The following SI variants were observed in gnomAD, a reference collection of about 807,000 sequenced individuals.
SI encodes sucrase-isomaltase, also known as sucrase-isomaltase, intestinal.
In SI, 235 loss-of-function variants were observed where a neutral mutation model predicts 253.3. The observed-to-expected ratio is 0.93, with a 90% CI of 0.83 to 1.03. The LOEUF is 1.03. Among genes scored for constraint, SI ranks in the 50% least tolerant of loss-of-function variants. The pLI is 0.00. For synonymous variants in SI, 819 were observed against 712.0 expected, an observed-to-expected ratio of 1.15 and a Z score of -2.39; for missense variants, 2,442 against 2,211.1, an observed-to-expected ratio of 1.10 and a Z score of -2.09.
At chr3:165,069,627 A>T (rs1313069012) in intron 3 of SI, among the ~76,000 whole-genome samples, 1 of 152,078 alleles carries the variant, frequency 6.6e-6, no homozygotes, top group Admixed American at 6.6e-5. Flanking sequence ...AAAATGTGTA[A>T]GGGATTTAAT....
At chr3:164,981,145 G>A (rs1011085171) in intron 47 of SI, among the ~76,000 whole-genome samples, 12 of 152,004 alleles carry the variant, frequency 7.9e-5, no homozygotes, top group South Asian at 6.2e-4. Flanking sequence ...TTATTTTACC[G>A]AGGAAGGACA....
chr3:165,048,578 TATATATAG>T (rs1440928008), intron 15 of SI, among the ~76,000 whole-genome samples: 2 of 109,360 alleles, frequency 1.8e-5, no homozygotes, highest in African/African-American at 3.2e-5. Flanking sequence ...TATATATATA[TATATATAG>T]AGAGAGAGAG....
chr3:164,992,108 G>T, intron 43 of SI, 69 bp downstream of exon 43: 5 of 1,293,884 alleles, frequency 3.9e-6, no homozygotes, highest in South Asian at 2.4e-5. Context: ...TACCGTTAAT[G>T]AAAAGGCTAG....
At chr3:165,006,149 G>T (rs1033351080) in intron 37 of SI, among the ~76,000 whole-genome samples, 2 of 152,046 alleles carry the variant, frequency 1.3e-5, no homozygotes, top group African/African-American at 2.4e-5. Flanking sequence ...TCGCTCTGTT[G>T]CCAGGCTGGA....
At chr3:165,084,768 C>T in the SI span, among the ~76,000 whole-genome samples, 1 of 151,958 alleles carries the variant, frequency 6.6e-6, no homozygotes, top group Non-Finnish European at 1.5e-5. Flanking sequence ...ATATTGGAAA[C>T]AGCTATTCTA....
intron 13 of SI, among the ~76,000 whole-genome samples, chr3:165,050,900 TA>T (rs1277283203): frequency 6.6e-6 from 1 of 152,060 alleles, no homozygotes; most frequent in East Asian, 1.9e-4. Flanking sequence ...CCTTTAACCT[TA>T]ACACTCCTAT....
chr3:165,005,978 G>T (rs1333240275), intron 37 of SI, among the ~76,000 whole-genome samples: 1 of 151,966 alleles, frequency 6.6e-6, no homozygotes, highest in Non-Finnish European at 1.5e-5. Context: ...TTCAGTGAAT[G>T]GTCTGTATTC....
rs375273143 is a variant in SI, at chr3:165,063,403, T to C, written c.907+39A>G. 294 of 942,272 alleles carry C rather than the reference T, an allele frequency of 3.1e-4. No individual in the cohort carries two copies. In the African/African-American group the frequency reaches 3.9e-3, roughly 12 times the overall value. 58.4% of individuals were successfully genotyped at this position (942,272 alleles called of 1,614,324 possible). On this transcript the variant is annotated intron_variant, in intron 8 of 47. Transcript: ENST00000264382. ...AAGAGAGCAGTTAAAACATTTCAAG[T>C]GAAATCTATAAATATATTATCAAAT...
chr3:165,022,533 T>TCACA lies in SI; in HGVS notation c.3099+1036_3099+1037insTGTG, dbSNP rs1491563006. ...ACACATCTTCTATGCTTTTGTGCCA[T>TCACA]CTCACACACACACACACACACACAC... is the stretch of plus-strand genomic sequence containing the variant. On this transcript the variant is annotated intron_variant, in intron 26 of 47. Coordinates refer to ENST00000264382, the MANE Select transcript of SI (RefSeq NM_001041.4). Among the ~76,000 whole-genome samples, 172 of 83,444 alleles carry TCACA rather than the reference T, an allele frequency of 2.1e-3. 1 individual carries two copies. Among genetic ancestry groups the TCACA allele is most frequent in the African/African-American group, 6.2e-3 (149 of 24,028 alleles). The allele number at this position is 83,444 out of a possible 152,430, so 54.7% of individuals were successfully genotyped here.
intron 28 of SI, 86 bp from the exon 29 acceptor site, chr3:165,018,152 A>G: frequency 2.5e-6 from 2 of 811,368 alleles, no homozygotes; most frequent in South Asian, 1.4e-5. Flanking sequence ...TTATTATACA[A>G]TCGAGACTTG....
chr3:165,045,685 T>C (rs539004934), intron 16 of SI, among the ~76,000 whole-genome samples: 2 of 152,076 alleles, frequency 1.3e-5, no homozygotes, highest in South Asian at 4.2e-4. Context: ...TCTTTCTTTT[T>C]AAGTATTTAA....
At chr3:165,024,077 A>G (rs1031304699) in intron 25 of SI, among the ~76,000 whole-genome samples, 2 of 151,456 alleles carry the variant, frequency 1.3e-5, no homozygotes, top group African/African-American at 4.8e-5. Flanking sequence ...AAAAGCAAGT[A>G]TATTACTAAT....
intron 15 of SI, among the ~76,000 whole-genome samples, chr3:165,048,584 T>TAGAG (rs566703011): frequency 0.056 from 6,973 of 125,106 alleles, 191 homozygotes; most frequent in Middle Eastern, 0.074. Context: ...TATATATATA[T>TAGAG]AGAGAGAGAG....
chr3:165,028,268 A>G (rs1712030654), intron 25 of SI, among the ~76,000 whole-genome samples: 1 of 151,482 alleles, frequency 6.6e-6, no homozygotes, highest in Non-Finnish European at 1.5e-5. Context: ...AAGGAAAACT[A>G]CAAACACTAC....
intron 17 of SI, among the ~76,000 whole-genome samples, chr3:165,042,016 C>G (rs917924747): frequency 6.6e-6 from 1 of 152,086 alleles, no homozygotes; most frequent in Non-Finnish European, 1.5e-5. Context: ...CACCTTCCTT[C>G]CCTTCATCTT....
intron 40 of SI, among the ~76,000 whole-genome samples, chr3:164,995,136 C>T (rs146262827): frequency 1.3e-5 from 2 of 151,810 alleles, no homozygotes; most frequent in African/African-American, 4.8e-5. Context: ...AAATGTTTTT[C>T]GTTGACATCA....
chr3:165,011,180 A>C (rs890264224), intron 34 of SI, among the ~76,000 whole-genome samples: 1 of 151,722 alleles, frequency 6.6e-6, no homozygotes, highest in African/African-American at 2.4e-5. Context: ...TTCTTTTTCT[A>C]ATTCATTGAG....
intron 37 of SI, among the ~76,000 whole-genome samples, chr3:165,000,356 A>C (rs1484743555): frequency 1.7e-5 from 2 of 117,950 alleles, no homozygotes; most frequent in African/African-American, 5.0e-5. Flanking sequence ...ACAAAGTTAC[A>C]GTTAGATAGG....
At position 165,046,996 on chromosome 3, in the gene SI, A is replaced by G; in HGVS notation, c.1732T>C (p.Phe578Leu). 1.2e-6 allele frequency: 2 copies of G among 1,607,870 alleles called. No homozygotes were observed. The highest frequency in any genetic ancestry group is 1.7e-6 in the Non-Finnish European group (2 of 1,177,036). The change falls in exon 16 of 48, where the codon TTT (phenylalanine) becomes CTT (leucine). Residue 578 changes from phenylalanine (F) to leucine (L), a missense_variant. Phe to Leu is a conservative substitution (Grantham distance 22). Transcript: ENST00000264382. ...IATEQAVQKV[F>L]PNKRSFILTR... is the part of the protein sequence containing the mutation. The stretch of plus-strand genomic sequence containing the variant: ...AGAATGAAGCTTCTCTTATTAGGAA[A>G]AACTTTTTGTACAGCTCTAAAAATA...
Sources: gnomAD v4.1 joint callset for allele counts (sites outside exome capture counted in the v4.1 genomes callset) on GRCh38, gnomAD v4.1.1 for gene constraint, MANE v1.5 for transcripts, NCBI Gene and HGNC (gene_info 2026-07-23, HGNC 2026-07-21) for gene names.